C1QTNF3: variants seen among roughly 807,000 people sequenced by gnomAD.
The protein encoded by C1QTNF3 is complement C1q tumor necrosis factor-related protein 3.
In C1QTNF3, 26 loss-of-function variants were observed where a neutral mutation model predicts 32.6. That is an observed-to-expected ratio of 0.80 (90% CI 0.58 to 1.11). The LOEUF (loss-of-function observed/expected upper bound fraction) is 1.11, where lower values mean the gene tolerates loss of function less well. C1QTNF3 is among the 50% of genes least tolerant of loss of function. C1QTNF3 has a pLI of 0.00. For missense variants in C1QTNF3, 362 were observed against 398.2 expected (o/e 0.91, Z 0.77); for synonymous variants, 155 against 146.0 (o/e 1.06, Z -0.44).
chr5:34,197,340 T>C, the C1QTNF3 span, among the ~76,000 whole-genome samples: 1 of 152,402 alleles, frequency 6.6e-6, no homozygotes, highest in South Asian at 2.1e-4. Flanking sequence ...AGAGATGGCA[T>C]GGTAAAGTAC....
At chr5:34,087,296 C>A in the C1QTNF3 span, among the ~76,000 whole-genome samples, 5 of 141,256 alleles carry the variant, frequency 3.5e-5, no homozygotes, top group East Asian at 2.1e-4. Context: ...TTATGTAACT[C>A]AAAAAAAAAT....
At chr5:34,102,124 G>A in the C1QTNF3 span, among the ~76,000 whole-genome samples, 1 of 149,924 alleles carries the variant, frequency 6.7e-6, no homozygotes, top group Admixed American at 6.7e-5. Context: ...AAAATCTAAT[G>A]TAACAATGTT....
chr5:34,019,125 C>CAA lies in C1QTNF3; in HGVS notation c.*1456_*1457dup, dbSNP rs11429527. Among the ~76,000 whole-genome samples the CAA allele has an allele frequency of 2.5e-4, 37 of 145,744 alleles. No individual in the cohort carries two copies. The highest frequency in any genetic ancestry group is 6.4e-4 in the South Asian group (3 of 4,676). On this transcript the variant is annotated 3_prime_UTR_variant, in exon 6 of 6. Transcript: ENST00000382065. The stretch of plus-strand genomic sequence containing the variant: ...CCTGGGCAGCAGCGTGAAACTGTCT[C>CAA]AAAAAAAAAAAAGATTTAGAATTTG...
the C1QTNF3 span, among the ~76,000 whole-genome samples, chr5:34,068,315 G>T: frequency 6.6e-6 from 1 of 151,842 alleles, no homozygotes; most frequent in African/African-American, 2.4e-5. Context: ...CTAATATCTT[G>T]CCTTTTTAGG....
chr5:34,174,777 T>A, the C1QTNF3 span, among the ~76,000 whole-genome samples: 1 of 152,116 alleles, frequency 6.6e-6, no homozygotes, highest in Admixed American at 6.5e-5. Context: ...AGTCTCACTG[T>A]CGCCCAGGCT....
chr5:34,028,703 C>T, intron 4 of C1QTNF3, 51 bp downstream of exon 4: 2 of 1,515,718 alleles, frequency 1.3e-6, no homozygotes, highest in Non-Finnish European at 1.8e-6. Flanking sequence ...CCTTAATTGT[C>T]TTTATTATTA....
At chr5:34,243,925 G>GA in the C1QTNF3 span, among the ~76,000 whole-genome samples, 2 of 151,966 alleles carry the variant, frequency 1.3e-5, no homozygotes, top group African/African-American at 4.8e-5. Context: ...ATCTGTGTCT[G>GA]AAAAAAACTG....
the C1QTNF3 span, among the ~76,000 whole-genome samples, chr5:34,223,180 C>A: frequency 2.3e-3 from 273 of 119,608 alleles, no homozygotes; most frequent in African/African-American, 8.4e-3. Flanking sequence ...TCCCCCCACC[C>A]CATAACAGTC....
the C1QTNF3 span, among the ~76,000 whole-genome samples, chr5:34,242,344 AAAAC>A: frequency 1.3e-5 from 2 of 152,204 alleles, no homozygotes; most frequent in Admixed American, 1.3e-4. Context: ...AGAACACTCA[AAAAC>A]AAAGCTGCAC....
the C1QTNF3 span, among the ~76,000 whole-genome samples, chr5:34,082,137 T>C: frequency 2.0e-5 from 3 of 151,696 alleles, no homozygotes; most frequent in East Asian, 5.8e-4. Flanking sequence ...ACCATTACAT[T>C]GCAATGCAAG....
At chr5:34,114,813 T>C in the C1QTNF3 span, among the ~76,000 whole-genome samples, 3 of 151,528 alleles carry the variant, frequency 2.0e-5, no homozygotes, top group South Asian at 2.1e-4. Flanking sequence ...TAACACATCA[T>C]TGTGCCCTGT....
chr5:34,238,750 G>A, the C1QTNF3 span, among the ~76,000 whole-genome samples: 32 of 151,882 alleles, frequency 2.1e-4, no homozygotes, highest in East Asian at 5.0e-3. Flanking sequence ...TCCTAACCTC[G>A]CTAGAGAGAG....
the C1QTNF3 span, among the ~76,000 whole-genome samples, chr5:34,057,363 TG>T: frequency 3.3e-5 from 5 of 152,056 alleles, no homozygotes; most frequent in South Asian, 2.1e-4. Context: ...TATGAATGTG[TG>T]AAACCAAGTC....
chr5:34,052,703 G>A, the C1QTNF3 span, among the ~76,000 whole-genome samples: 1 of 152,220 alleles, frequency 6.6e-6, no homozygotes, highest in African/African-American at 2.4e-5. Context: ...ACAGTGCCTG[G>A]CACCCACTCA....
the C1QTNF3 span, among the ~76,000 whole-genome samples, chr5:34,073,066 G>A: frequency 2.6e-5 from 4 of 152,252 alleles, no homozygotes; most frequent in Non-Finnish European, 4.4e-5. Flanking sequence ...GGTGACTCAC[G>A]CCTGTAATCC....
At chr5:34,081,042 G>GT in the C1QTNF3 span, among the ~76,000 whole-genome samples, 3 of 151,630 alleles carry the variant, frequency 2.0e-5, no homozygotes, top group Non-Finnish European at 4.4e-5. Context: ...TCCTCAACCT[G>GT]CCTCTTTCCT....
At chr5:34,174,044 T>C in the C1QTNF3 span, among the ~76,000 whole-genome samples, 1 of 152,184 alleles carries the variant, frequency 6.6e-6, no homozygotes, top group Admixed American at 6.5e-5. Flanking sequence ...GCTTATATGA[T>C]CTCAAATCTT....
chr5:34,088,942 T>C, the C1QTNF3 span, among the ~76,000 whole-genome samples: 1 of 152,056 alleles, frequency 6.6e-6, no homozygotes, highest in African/African-American at 2.4e-5. Context: ...GCCTGTATTT[T>C]TTTTTGATAA....
At chr5:34,181,371 A>G in the C1QTNF3 span, among the ~76,000 whole-genome samples, 1 of 152,406 alleles carries the variant, frequency 6.6e-6, no homozygotes, top group African/African-American at 2.4e-5. Flanking sequence ...AGCCTCAGGC[A>G]CCCGCTCCTG....
Sources: allele counts gnomAD v4.1 joint callset (sites outside exome capture counted in the v4.1 genomes callset), GRCh38; gene constraint gnomAD v4.1.1; transcripts MANE v1.5; gene names NCBI Gene and HGNC (gene_info 2026-07-23, HGNC 2026-07-21).